RASAL2: variants seen among roughly 807,000 people sequenced by gnomAD.
RASAL2 encodes the protein ras GTPase-activating protein nGAP.
Under a neutral mutation model 128.9 loss-of-function variants are expected in RASAL2, and 58 were observed. The observed-to-expected ratio is 0.45, with a 90% CI of 0.36 to 0.56. RASAL2 has a LOEUF of 0.56. Ranked by LOEUF, RASAL2 falls within the 20% of genes least tolerant of loss-of-function variation. RASAL2 has a pLI of 0.00. For missense variants in RASAL2, 1,360 were observed against 1,601.6 expected (o/e 0.85, Z 2.57); for synonymous variants, 561 against 580.8 (o/e 0.97, Z 0.49).
At position 178,249,833 on chromosome 1, in the gene RASAL2, A is replaced by G. The variant is rs537987004; in HGVS notation, c.203-33731A>G. The stretch of plus-strand genomic sequence containing the variant: ...CTTCTAACAGGCCTCTCTTCTGCAG[A>G]TCTGCTCCAGTTTGCTGGAGGTCCA... On this transcript the variant is annotated intron_variant, in intron 1 of 17. Coordinates refer to ENST00000367649, the MANE Select transcript of RASAL2 (RefSeq NM_170692.4). Among the ~76,000 whole-genome samples, 6 of 152,162 alleles carry G rather than the reference A, an allele frequency of 3.9e-5. No homozygotes were observed. The East Asian group carries it at 7.8e-4, about 20-fold the overall frequency.
chr1:178,142,225 A>C (rs1469327534), intron 1 of RASAL2, among the ~76,000 whole-genome samples: 2 of 152,136 alleles, frequency 1.3e-5, no homozygotes, highest in Non-Finnish European at 2.9e-5. Flanking sequence ...GATGTATCCA[A>C]GACTCCACTC....
intron 1 of RASAL2, among the ~76,000 whole-genome samples, chr1:178,260,190 A>C (rs1665605203): frequency 6.7e-6 from 1 of 149,156 alleles, no homozygotes; most frequent in South Asian, 2.2e-4. Flanking sequence ...GTCTCTACTA[A>C]AAATACAAAA....
At chr1:178,148,200 T>G (rs1660795091) in intron 1 of RASAL2, among the ~76,000 whole-genome samples, 1 of 151,954 alleles carries the variant, frequency 6.6e-6, no homozygotes, top group Non-Finnish European at 1.5e-5. Context: ...CTTTTTTTTT[T>G]TTGAAAGGGG....
intron 1 of RASAL2, among the ~76,000 whole-genome samples, chr1:178,155,701 C>T (rs1263251581): frequency 6.6e-6 from 1 of 151,470 alleles, no homozygotes; most frequent in African/African-American, 2.4e-5. Flanking sequence ...GGACTTTCTC[C>T]CTCCGTTCTG....
At chr1:178,157,458 G>A (rs1328098923) in intron 1 of RASAL2, among the ~76,000 whole-genome samples, 1 of 152,168 alleles carries the variant, frequency 6.6e-6, no homozygotes, top group African/African-American at 2.4e-5. Flanking sequence ...TTGCCCTTGT[G>A]TGGAGTGGGG....
intron 1 of RASAL2, among the ~76,000 whole-genome samples, chr1:178,152,292 C>A (rs1458796462): frequency 6.6e-6 from 1 of 152,170 alleles, no homozygotes; most frequent in African/African-American, 2.4e-5. Context: ...GGCATGGGAA[C>A]TATGTGTCCC....
At chr1:178,379,258 G>A (rs1332608784) in intron 3 of RASAL2, among the ~76,000 whole-genome samples, 1 of 152,144 alleles carries the variant, frequency 6.6e-6, no homozygotes. Flanking sequence ...GAGCACACCT[G>A]TAGTCTCAGC....
chr1:178,130,882 G>T (rs549406051), intron 1 of RASAL2, among the ~76,000 whole-genome samples: 1 of 151,908 alleles, frequency 6.6e-6, no homozygotes, highest in Non-Finnish European at 1.5e-5. Context: ...GTGAAACCCC[G>T]TCTCTACTAA....
chr1:178,281,003 A>G (rs1454057792), intron 1 of RASAL2, among the ~76,000 whole-genome samples: 1 of 152,104 alleles, frequency 6.6e-6, no homozygotes, highest in African/African-American at 2.4e-5. Context: ...AGAACATGAT[A>G]TAACATAACC....
At chr1:178,177,418 G>C (rs1284791497) in intron 1 of RASAL2, among the ~76,000 whole-genome samples, 1 of 152,208 alleles carries the variant, frequency 6.6e-6, no homozygotes, top group Non-Finnish European at 1.5e-5. Flanking sequence ...ATAATGGTAA[G>C]CAGGGATTGA....
At chr1:178,295,360 C>T (rs1321851651) in intron 2 of RASAL2, among the ~76,000 whole-genome samples, 1 of 151,974 alleles carries the variant, frequency 6.6e-6, no homozygotes, top group Non-Finnish European at 1.5e-5. Context: ...TCTAAGTTCC[C>T]TCTCCTCACC....
At chr1:178,373,180 A>G (rs1671805491) in intron 3 of RASAL2, among the ~76,000 whole-genome samples, 1 of 151,208 alleles carries the variant, frequency 6.6e-6, no homozygotes, top group Admixed American at 6.6e-5. Flanking sequence ...TGCCAGTCCA[A>G]AAGTTATCTC....
intron 2 of RASAL2, among the ~76,000 whole-genome samples, chr1:178,290,744 C>A (rs1221104123): frequency 6.6e-6 from 1 of 152,024 alleles, no homozygotes; most frequent in East Asian, 1.9e-4. Flanking sequence ...GGTGCGATCT[C>A]GGCTCGCTGC....
chr1:178,335,979 T>C (rs554609182), intron 3 of RASAL2, among the ~76,000 whole-genome samples: 2 of 151,582 alleles, frequency 1.3e-5, no homozygotes, highest in South Asian at 2.1e-4. Flanking sequence ...TAGTATACCA[T>C]AGTGGTTAAG....
chr1:178,341,577 C>G (rs745914003), intron 3 of RASAL2: 1 of 1,613,802 alleles, frequency 6.2e-7, no homozygotes, highest in African/African-American at 1.3e-5. Flanking sequence ...CATGTTAGCA[C>G]ACCCAGAAAC....
At chr1:178,408,581 TTTG>T (rs1229889085) in intron 4 of RASAL2, among the ~76,000 whole-genome samples, 2 of 151,932 alleles carry the variant, frequency 1.3e-5, no homozygotes, top group Non-Finnish European at 2.9e-5. Flanking sequence ...TTTTAGGTTT[TTTG>T]TTGTTGTTGT....
chr1:178,223,726 G>T lies in RASAL2; in HGVS notation c.203-59838G>T, dbSNP rs535779485. 2.6e-5 allele frequency among the ~76,000 whole-genome samples: 4 copies of T among 152,274 alleles called. No homozygotes were observed. In the South Asian group the frequency reaches 8.3e-4, roughly 32 times the overall value. The stretch of plus-strand genomic sequence containing the variant: ...AGGTTGATAAATTTAGGAGGCTCTT[G>T]TAATCCAGGTGAGAGATGATGGTAG... On this transcript the variant is annotated intron_variant, in intron 1 of 17. Transcript: ENST00000367649.
Position 178,442,758 on chromosome 1 carries a change from C to T in RASAL2, c.1011C>T (p.Cys337=), listed in dbSNP as rs570730822. The T allele has an allele frequency of 3.8e-5, 61 of 1,613,778 alleles. No homozygotes were observed. In the South Asian group the frequency reaches 4.6e-4, roughly 12 times the overall value. The change falls in exon 8 of 18, where the codon TGC becomes TGT. Residue 337 remains cysteine (C), a synonymous_variant. Transcript: ENST00000367649. ...KDLAPKKKYF[C]ELCLDDTLFA... is the part of the protein sequence containing the mutation. ...TTGCCCCTAAAAAGAAATATTTCTG[C>T]GAACTGTGCCTTGATGATACCCTCT...
At chr1:178,113,788 TAAC>T (rs1254265293) in intron 1 of RASAL2, among the ~76,000 whole-genome samples, 2 of 152,180 alleles carry the variant, frequency 1.3e-5, no homozygotes, top group Admixed American at 1.3e-4. Context: ...GTTACTATCT[TAAC>T]AATATTAAGT....
Sources: gnomAD v4.1 joint callset for allele counts (sites outside exome capture counted in the v4.1 genomes callset) on GRCh38, gnomAD v4.1.1 for gene constraint, MANE v1.5 for transcripts, NCBI Gene and HGNC (gene_info 2026-07-23, HGNC 2026-07-21) for gene names.